The following CHCHD6 variants were observed in gnomAD, a reference collection of about 807,000 sequenced individuals.
CHCHD6 encodes coiled-coil-helix-coiled-coil-helix domain containing 6.
In CHCHD6, 28 loss-of-function variants were observed where a neutral mutation model predicts 32.3. That is an observed-to-expected ratio of 0.87 (90% CI 0.64 to 1.19). The LOEUF is 1.19. Ranked by LOEUF, CHCHD6 falls within the 50% of genes most tolerant of loss-of-function variation. CHCHD6 has a pLI of 0.00. For synonymous variants in CHCHD6, 122 were observed against 117.5 expected, an observed-to-expected ratio of 1.04 and a Z score of -0.25; for missense variants, 333 against 307.0, an observed-to-expected ratio of 1.08 and a Z score of -0.63.
intron 6 of CHCHD6, among the ~76,000 whole-genome samples, chr3:126,917,853 A>T (rs1265529703): frequency 6.6e-6 from 1 of 152,144 alleles, no homozygotes; most frequent in Non-Finnish European, 1.5e-5. Flanking sequence ...TCTATGAATC[A>T]GAAAGTGGGC....
intron 5 of CHCHD6, among the ~76,000 whole-genome samples, chr3:126,874,845 G>A (rs902605427): frequency 6.6e-5 from 10 of 152,082 alleles, no homozygotes; most frequent in African/African-American, 1.9e-4. Context: ...TGTCCTTCAC[G>A]GTCCTGGGTG....
chr3:126,889,580 C>T (rs2077727399), intron 5 of CHCHD6, among the ~76,000 whole-genome samples: 1 of 152,206 alleles, frequency 6.6e-6, no homozygotes. Context: ...GCCCATCACA[C>T]TTGCCTCTGT....
intron 5 of CHCHD6, among the ~76,000 whole-genome samples, chr3:126,853,359 T>C (rs549629180): frequency 6.6e-6 from 1 of 151,754 alleles, no homozygotes; most frequent in Admixed American, 6.6e-5. Flanking sequence ...TTCAAAGAAA[T>C]GGCTTAAAAT....
At chr3:126,877,285 G>A (rs144468067) in intron 5 of CHCHD6, among the ~76,000 whole-genome samples, 79 of 152,284 alleles carry the variant, frequency 5.2e-4, no homozygotes, top group African/African-American at 1.8e-3. Flanking sequence ...GCCGGGCGTG[G>A]TGGCTCGCAC....
In CHCHD6 at chr3:126,956,959, ACAGGAAAGCC is replaced by A. The variant is rs1211547080; in HGVS notation, c.567-447_567-438del. 1.5e-4 allele frequency: 26 copies of A among 174,226 alleles called. No individual in the cohort carries two copies. The South Asian group carries it at 3.5e-3, about 24-fold the overall frequency. The allele number at this position is 174,226 out of a possible 1,614,324, so 10.8% of individuals were successfully genotyped here. Reference sequence around the variant, plus strand: ...TTATAGTCACGGGTAAACCACAGGCACAGGAAAGCCCAGGAAAGCAGCTGACGGCTATCCT... The same window carrying A: ...TTATAGTCACGGGTAAACCACAGGCACAGGAAAGCAGCTGACGGCTATCCT... On this transcript the variant is annotated intron_variant, in intron 6 of 7. Coordinates refer to ENST00000290913, the MANE Select transcript of CHCHD6 (RefSeq NM_032343.3).
Position 126,910,211 on chromosome 3 carries a change from G to A in CHCHD6, c.496-4469G>A, listed in dbSNP as rs564551662. ...GAGAGATAGCTTGAGCCCAGAGGTC[G>A]AGGTTACAGCGGGCTATGATCACAC... is the stretch of plus-strand genomic sequence containing the variant. On this transcript the variant is annotated intron_variant, in intron 5 of 7. Coordinates refer to ENST00000290913, the MANE Select transcript of CHCHD6 (RefSeq NM_032343.3). Among the ~76,000 whole-genome samples the A allele has an allele frequency of 3.4e-4, 49 of 144,162 alleles. 1 individual carries two copies. The highest frequency in any genetic ancestry group is 1.1e-3 in the African/African-American group (43 of 39,724). The allele number at this position is 144,162 out of a possible 152,430, so 94.6% of individuals were successfully genotyped here.
intron 4 of CHCHD6, among the ~76,000 whole-genome samples, chr3:126,790,374 T>G (rs1164648584): frequency 6.6e-6 from 1 of 152,206 alleles, no homozygotes; most frequent in Admixed American, 6.5e-5. Context: ...TGGCCTGCCT[T>G]GCTAGGTTGG....
chr3:126,879,792 T>C (rs1475502937), intron 5 of CHCHD6, among the ~76,000 whole-genome samples: 1 of 152,234 alleles, frequency 6.6e-6, no homozygotes, highest in Non-Finnish European at 1.5e-5. Context: ...TGTCAGAATG[T>C]CCTTGTTTTT....
chr3:126,928,639 G>A (rs1031596024), intron 6 of CHCHD6, among the ~76,000 whole-genome samples: 1 of 152,178 alleles, frequency 6.6e-6, no homozygotes, highest in Non-Finnish European at 1.5e-5. Flanking sequence ...ATCCAGGAGA[G>A]TGAAGTCCAG....
At chr3:126,957,312 A>AC (rs2078799418) in intron 6 of CHCHD6, 104 bp from the exon 7 acceptor site, 2 of 1,319,970 alleles carry the variant, frequency 1.5e-6, no homozygotes, top group African/African-American at 1.4e-5. Context: ...GGTGTCAGGG[A>AC]CTTAGCCTAG....
At chr3:126,756,963 T>C (rs1936976205) in intron 4 of CHCHD6, among the ~76,000 whole-genome samples, 1 of 152,260 alleles carries the variant, frequency 6.6e-6, no homozygotes, top group Admixed American at 6.5e-5. Flanking sequence ...CCTGTATCCT[T>C]GTGCACTTGT....
intron 4 of CHCHD6, among the ~76,000 whole-genome samples, chr3:126,768,638 A>G (rs1308008168): frequency 6.6e-6 from 1 of 152,172 alleles, no homozygotes; most frequent in African/African-American, 2.4e-5. Context: ...TCTTTGGGGA[A>G]TCTCGCCACA....
chr3:126,853,338 A>G (rs1476246664), intron 5 of CHCHD6, among the ~76,000 whole-genome samples: 2 of 151,692 alleles, frequency 1.3e-5, no homozygotes, highest in African/African-American at 2.4e-5. Context: ...TTTGTGGATC[A>G]TGACAGATTT....
In CHCHD6 at chr3:126,960,256, C is replaced by A; in HGVS notation, c.*55C>A. ...TGACTTGGAGCCCTGAAGAAGGGAC[C>A]AATCATGGGACCACAGCCACTGTGC... is the stretch of plus-strand genomic sequence containing the variant. On this transcript the variant is annotated 3_prime_UTR_variant, in exon 8 of 8. Transcript: ENST00000290913. 1.3e-6 allele frequency: 2 copies of A among 1,547,736 alleles called. No individual in the cohort carries two copies. Among genetic ancestry groups the A allele is most frequent in the South Asian group, 1.2e-5 (1 of 83,990 alleles).
At chr3:126,798,437 T>G (rs973632061) in intron 4 of CHCHD6, among the ~76,000 whole-genome samples, 6 of 152,210 alleles carry the variant, frequency 3.9e-5, no homozygotes, top group Non-Finnish European at 7.3e-5. Flanking sequence ...CCCACCTCCC[T>G]TGCTTTCAGG....
intron 6 of CHCHD6, among the ~76,000 whole-genome samples, chr3:126,935,544 C>T (rs1484560941): frequency 6.6e-6 from 1 of 152,186 alleles, no homozygotes; most frequent in East Asian, 1.9e-4. Flanking sequence ...AACAGAAAGG[C>T]GTTCTGCACT....
At chr3:126,841,338 T>TGC (rs1456183060) in intron 4 of CHCHD6, among the ~76,000 whole-genome samples, 1 of 152,208 alleles carries the variant, frequency 6.6e-6, no homozygotes, top group Non-Finnish European at 1.5e-5. Context: ...TTGTGAATAA[T>TGC]GCCGCAAGAG....
intron 4 of CHCHD6, among the ~76,000 whole-genome samples, chr3:126,752,059 G>C (rs1475812311): frequency 6.6e-6 from 1 of 152,226 alleles, no homozygotes; most frequent in African/African-American, 2.4e-5. Context: ...GAACCTGTGT[G>C]TGTGAGTAGG....
At chr3:126,796,921 G>A (rs539951057) in intron 4 of CHCHD6, among the ~76,000 whole-genome samples, 4 of 152,326 alleles carry the variant, frequency 2.6e-5, no homozygotes, top group African/African-American at 9.6e-5. Flanking sequence ...TACAGGGCCA[G>A]GAGGCCCTTA....
Sources: gnomAD v4.1 joint callset for allele counts (sites outside exome capture counted in the v4.1 genomes callset) on GRCh38, gnomAD v4.1.1 for gene constraint, MANE v1.5 for transcripts, NCBI Gene and HGNC (gene_info 2026-07-23, HGNC 2026-07-21) for gene names.